The following SRRM3 variants were observed in gnomAD, a reference collection of about 807,000 sequenced individuals.
SRRM3 encodes the protein serine/arginine repetitive matrix 3.
Under a neutral mutation model 66.2 loss-of-function variants are expected in SRRM3, and 27 were observed. The ratio of observed to expected loss-of-function variants is 0.41; its 90% CI spans 0.30 to 0.56. The LOEUF (loss-of-function observed/expected upper bound fraction) is 0.56. Ranked by LOEUF, SRRM3 falls within the 20% of genes least tolerant of loss-of-function variation. The pLI is 0.32. For synonymous variants in SRRM3, 391 were observed against 414.9 expected, an observed-to-expected ratio of 0.94 and a Z score of 0.70; for missense variants, 918 against 991.9, an observed-to-expected ratio of 0.93 and a Z score of 1.00.
chr7:76,248,088 T>A, intron 2 of SRRM3, 100 bp from the exon 3 acceptor site: 3 of 870,514 alleles, frequency 3.4e-6, no homozygotes, highest in Non-Finnish European at 5.6e-6. Context: ...GAGTGTGCAC[T>A]TGTGACCCAG....
intron 3 of SRRM3, among the ~76,000 whole-genome samples, chr7:76,256,781 C>T (rs573872966): frequency 1.3e-5 from 2 of 149,808 alleles, no homozygotes; most frequent in Middle Eastern, 3.4e-3. Context: ...ATGATCTCGG[C>T]TCACTGCAAC....
chr7:76,262,237 G>A (rs886810490), intron 8 of SRRM3, among the ~76,000 whole-genome samples: 1 of 152,122 alleles, frequency 6.6e-6, no homozygotes, highest in African/African-American at 2.4e-5. Flanking sequence ...CAGGCACGGT[G>A]GCTCACACCT....
intron 5 of SRRM3, 70 bp downstream of exon 5, chr7:76,260,267 G>A (rs1467973985): frequency 2.5e-6 from 3 of 1,221,084 alleles, no homozygotes; most frequent in Admixed American, 5.5e-5. Flanking sequence ...GCCCGTCCCT[G>A]GCTCACAACC....
intron 11 of SRRM3, among the ~76,000 whole-genome samples, chr7:76,277,569 G>A (rs1042823674): frequency 6.6e-6 from 1 of 151,926 alleles, no homozygotes; most frequent in African/African-American, 2.4e-5. Context: ...GGTGGCTCAC[G>A]CCTGTAATCC....
intron 14 of SRRM3, chr7:76,283,381 G>A: frequency 3.7e-6 from 2 of 547,424 alleles, no homozygotes; most frequent in Non-Finnish European, 6.6e-6. Flanking sequence ...TGAAGGGGAG[G>A]GGGCTCTGTA....
intron 1 of SRRM3, among the ~76,000 whole-genome samples, chr7:76,226,829 G>A (rs191636462): frequency 1.3e-5 from 2 of 152,162 alleles, no homozygotes; most frequent in East Asian, 3.9e-4. Context: ...GGCCTCAGGT[G>A]ATCCACCTGC....
rs373489006 is a variant in SRRM3, at chr7:76,264,850, G to A, written c.725+35G>A. The A allele has an allele frequency of 7.2e-5, 116 of 1,608,402 alleles. 2 individuals carry two copies. The South Asian group carries it at 8.4e-4, about 12-fold the overall frequency. On this transcript the variant is annotated intron_variant, in intron 9 of 14. Transcript: ENST00000611745. Reference sequence around the variant, plus strand: ...CTCCCTACTCTCCAGCCCCCCATTCGTTCTCCCTCCCGCCCCAGCAAACTA... The same window carrying A: ...CTCCCTACTCTCCAGCCCCCCATTCATTCTCCCTCCCGCCCCAGCAAACTA...
intron 3 of SRRM3, among the ~76,000 whole-genome samples, chr7:76,257,999 A>T (rs1357895274): frequency 6.6e-6 from 1 of 152,138 alleles, no homozygotes; most frequent in Non-Finnish European, 1.5e-5. Context: ...TCTAGAAAAA[A>T]AGAAGCGCTC....
intron 10 of SRRM3, among the ~76,000 whole-genome samples, chr7:76,266,564 T>C (rs1198888332): frequency 3.4e-5 from 4 of 118,078 alleles, no homozygotes; most frequent in African/African-American, 1.0e-4. Context: ...AAATATATAA[T>C]ATATAAACAT....
chr7:76,216,365 G>T (rs1039668824), intron 1 of SRRM3, among the ~76,000 whole-genome samples: 2 of 152,140 alleles, frequency 1.3e-5, no homozygotes, highest in African/African-American at 4.8e-5. Context: ...GTCTTGAACT[G>T]GGTTCAAGCA....
intron 3 of SRRM3, among the ~76,000 whole-genome samples, chr7:76,249,926 G>C (rs1189686781): frequency 6.6e-6 from 1 of 152,012 alleles, no homozygotes; most frequent in Non-Finnish European, 1.5e-5. Context: ...AATGGGTAAA[G>C]GTCTCTTAAA....
intron 1 of SRRM3, among the ~76,000 whole-genome samples, chr7:76,223,209 C>A (rs1184120077): frequency 6.6e-6 from 1 of 152,190 alleles, no homozygotes; most frequent in Non-Finnish European, 1.5e-5. Context: ...ATAGCTGTGA[C>A]CTGAATGAAT....
At position 76,285,776 on chromosome 7, in the gene SRRM3, G is replaced by A. The variant is rs117534220; in HGVS notation, c.1895G>A (p.Arg632His). 1.1e-3 allele frequency: 1,671 copies of A among 1,550,740 alleles called. 29 individuals carry two copies. The East Asian group carries it at 0.036, about 33-fold the overall frequency. ...AGCCATGGGACCCGCAGCCGGACAC[G>A]CAGCCCCTCGAGGACCCCCAGTCCC... ...SRSHGTRSRT[R>H]SPSRTPSPSY... Residue 632 changes from arginine to histidine, a missense_variant, in exon 15 of 15, where the codon CGC becomes CAC. By Grantham distance (29) the Arg-to-His change is conservative. Transcript: ENST00000611745. This position sits in a 1 kb window ranked among gnomAD's most constrained non-coding sequence, Gnocchi z 4.1.
chr7:76,261,702 C>T (rs1199570503), intron 8 of SRRM3, 121 bp downstream of exon 8: 1 of 1,141,134 alleles, frequency 8.8e-7, no homozygotes, highest in Non-Finnish European at 1.3e-6. Context: ...CTCCAGGGTT[C>T]CTTCCCACAG....
At chr7:76,276,021 A>G (rs898545832) in intron 11 of SRRM3, among the ~76,000 whole-genome samples, 4 of 152,124 alleles carry the variant, frequency 2.6e-5, no homozygotes, top group Admixed American at 2.0e-4. Context: ...TGGAGGCTGC[A>G]GTGAGCTATG....
chr7:76,243,944 A>G (rs933086939), intron 2 of SRRM3, among the ~76,000 whole-genome samples: 12 of 152,164 alleles, frequency 7.9e-5, no homozygotes, highest in African/African-American at 2.2e-4. Context: ...CAGGCTCTGC[A>G]CTGCCCAACT....
rs1554612772 is a variant in SRRM3 at position 76,285,887 on chromosome 7, G to T, written c.*44G>T. 1 of 1,514,778 alleles carries T rather than the reference G, an allele frequency of 6.6e-7. No homozygotes were observed. The highest frequency in any genetic ancestry group is 2.1e-5 in the Admixed American group (1 of 48,280). The allele number at this position is 1,514,778 out of a possible 1,614,324, so 93.8% of individuals were successfully genotyped here. Reference sequence around the variant, plus strand: ...TGGTGCCCCCCTGGCACTGGGAGAGGCGAGGGGCGGGCCCCAGGACCCCAG... The same window carrying T: ...TGGTGCCCCCCTGGCACTGGGAGAGTCGAGGGGCGGGCCCCAGGACCCCAG... On this transcript the variant is annotated 3_prime_UTR_variant, in exon 15 of 15. Transcript: ENST00000611745. The surrounding 1 kb of genome is among the most constrained non-coding windows in gnomAD (Gnocchi z 4.1).
At chr7:76,274,834 AGTGGC>A (rs1554610901) in intron 11 of SRRM3, among the ~76,000 whole-genome samples, 81 of 152,364 alleles carry the variant, frequency 5.3e-4, no homozygotes, top group African/African-American at 1.9e-3. Flanking sequence ...GGCCAGGTGC[AGTGGC>A]TCACGCCTGT....
Position 76,281,529 on chromosome 7 carries a change from C to A in SRRM3, c.1097C>A (p.Pro366Gln). The change falls in exon 12 of 15, where the codon CCG (proline) becomes CAG (glutamine). Residue 366 changes from proline to glutamine, a missense_variant. Coordinates refer to ENST00000611745, the MANE Select transcript of SRRM3 (RefSeq NM_001110199.3). ...PPARGKESPS[P>Q]RSAPSSQGRG... Reference sequence around the variant, plus strand: ...GCGCGGGGGAAGGAGAGCCCGAGCCCGCGCTCGGCGCCGTCGTCCCAAGGT... The same window carrying A: ...GCGCGGGGGAAGGAGAGCCCGAGCCAGCGCTCGGCGCCGTCGTCCCAAGGT... 8.5e-7 allele frequency: 1 copy of A among 1,173,444 alleles called. No individual in the cohort carries two copies. The highest frequency in any genetic ancestry group is 4.7e-5 in the Admixed American group (1 of 21,294). 72.7% of individuals were successfully genotyped at this position (1,173,444 alleles called of 1,614,324 possible).
Sources: gnomAD v4.1 joint callset for allele counts (sites outside exome capture counted in the v4.1 genomes callset) on GRCh38, gnomAD v4.1.1 for gene constraint, Gnocchi (gnomAD v3.1) non-coding constraint, MANE v1.5 for transcripts, NCBI Gene and HGNC (gene_info 2026-07-23, HGNC 2026-07-21) for gene names.